Variants in CNTNAP2 observed in about 807,000 individuals in gnomAD.
CNTNAP2 encodes the protein contactin associated protein 2.
In CNTNAP2, 98 loss-of-function variants were observed where a neutral mutation model predicts 155.2. The ratio of observed to expected loss-of-function variants is 0.63; its 90% CI spans 0.54 to 0.75. The LOEUF (loss-of-function observed/expected upper bound fraction) is 0.75, where lower values mean the gene tolerates loss of function less well. CNTNAP2 is among the 30% of genes least tolerant of loss of function. The pLI is 0.00. For missense variants in CNTNAP2, 1,727 were observed against 1,688.1 expected (o/e 1.02, Z -0.40); for synonymous variants, 651 against 631.2 (o/e 1.03, Z -0.47).
intron 16 of CNTNAP2, 110 bp downstream of exon 16, chr7:148,118,398 G>C (rs984995160): frequency 1.6e-6 from 2 of 1,234,254 alleles, no homozygotes; most frequent in Non-Finnish European, 2.3e-6. Context: ...GGTTTCCTTT[G>C]TTCCAGGAGC....
intron 1 of CNTNAP2, among the ~76,000 whole-genome samples, chr7:146,616,301 TTGGAAAA>T (rs1489578184): frequency 6.6e-6 from 1 of 152,020 alleles, no homozygotes; most frequent in Non-Finnish European, 1.5e-5. Flanking sequence ...TGCTGGAAAT[TTGGAAAA>T]TGAGCAACAG....
At position 146,964,669 on chromosome 7, in the gene CNTNAP2, T is replaced by A. The variant is rs79718552; in HGVS notation, c.403-79238T>A. On this transcript the variant is annotated intron_variant, in intron 3 of 23. Coordinates refer to ENST00000361727, the MANE Select transcript of CNTNAP2 (RefSeq NM_014141.6). ...GGCAAATGTTAAATTTTTGAACAAATGTTTCCTGAATCTCCTTTTTATGTA... is the reference window on the plus strand; with the variant it reads ...GGCAAATGTTAAATTTTTGAACAAAAGTTTCCTGAATCTCCTTTTTATGTA... 4.2e-3 allele frequency among the ~76,000 whole-genome samples: 642 copies of A among 152,324 alleles called. 7 individuals are homozygous for A. The highest frequency in any genetic ancestry group is 0.015 in the African/African-American group (608 of 41,574).
chr7:147,924,685 A>G (rs888351626), intron 14 of CNTNAP2, among the ~76,000 whole-genome samples: 1 of 152,124 alleles, frequency 6.6e-6, no homozygotes, highest in Admixed American at 6.5e-5. Flanking sequence ...GTAAGCCGGG[A>G]AGATGGAACA....
chr7:148,341,269 A>G (rs1050679061), intron 21 of CNTNAP2, among the ~76,000 whole-genome samples: 1 of 130,554 alleles, frequency 7.7e-6, no homozygotes, highest in African/African-American at 3.1e-5. Context: ...GATTCAGAGG[A>G]TTTCTTTTTT....
rs891902699 is a variant in CNTNAP2 at position 146,636,071 on chromosome 7, G to C, written c.98-138200G>C. Among the ~76,000 whole-genome samples, 3 of 151,690 alleles carry C rather than the reference G, an allele frequency of 2.0e-5. No homozygotes were observed. The East Asian group carries it at 5.8e-4, about 30-fold the overall frequency. ...AACAACAGACAGGTGCATTTTTCCT[G>C]TTATTAAAATGTGGGTCATAAAGGC... On this transcript the variant is annotated intron_variant, in intron 1 of 23. Coordinates refer to ENST00000361727, the MANE Select transcript of CNTNAP2 (RefSeq NM_014141.6).
At chr7:147,453,807 C>G (rs6464803) in intron 10 of CNTNAP2, among the ~76,000 whole-genome samples, 120,561 of 152,112 alleles carry the variant, frequency 0.79, 48,365 homozygotes, top group African/African-American at 0.93. Flanking sequence ...AAAATGCCAC[C>G]AAAAGTTCTT....
intron 8 of CNTNAP2, among the ~76,000 whole-genome samples, chr7:147,295,649 G>A (rs558383022): frequency 1.3e-5 from 2 of 152,034 alleles, no homozygotes; most frequent in Non-Finnish European, 2.9e-5. Flanking sequence ...CAGCCTTCAG[G>A]ATACTATTTC....
At chr7:147,527,015 C>CTTTTTTTTTTTTTTTTTTTTTTTTT (rs888976222) in intron 11 of CNTNAP2, among the ~76,000 whole-genome samples, 2 of 65,168 alleles carry the variant, frequency 3.1e-5, no homozygotes, top group African/African-American at 1.6e-4. Flanking sequence ...ACAGGCATTT[C>CTTTTTTTTTTTTTTTTTTTTTTTTT]TTTTTTTTTT....
In CNTNAP2 at chr7:148,104,045, A is replaced by C. The variant is rs148284019; in HGVS notation, c.2384-14073A>C. Among the ~76,000 whole-genome samples the C allele has an allele frequency of 8.7e-3, 1,320 of 152,306 alleles. 12 individuals carry two copies. The highest frequency in any genetic ancestry group is 0.027 in the Middle Eastern group (8 of 294). ...AAATCATCACAAACCCTGTGAAGAAAGAATTATTTTTCTAATTTACAAATA... is the reference window on the plus strand; with the variant it reads ...AAATCATCACAAACCCTGTGAAGAACGAATTATTTTTCTAATTTACAAATA... On this transcript the variant is annotated intron_variant, in intron 15 of 23. Coordinates refer to ENST00000361727, the MANE Select transcript of CNTNAP2 (RefSeq NM_014141.6).
At chr7:147,850,448 C>T (rs916963471) in intron 13 of CNTNAP2, among the ~76,000 whole-genome samples, 5 of 152,114 alleles carry the variant, frequency 3.3e-5, no homozygotes, top group South Asian at 2.1e-4. Context: ...AAAAAGAGCC[C>T]GCATTGCCAA....
intron 13 of CNTNAP2, among the ~76,000 whole-genome samples, chr7:147,839,939 T>TACACACAC (rs376480999): frequency 1.7e-3 from 256 of 149,846 alleles, no homozygotes; most frequent in African/African-American, 3.9e-3. Context: ...TATATATGTA[T>TACACACAC]ACACACACAC....
chr7:146,621,069 C>T (rs185647644), intron 1 of CNTNAP2, among the ~76,000 whole-genome samples: 1 of 152,154 alleles, frequency 6.6e-6, no homozygotes, highest in East Asian at 1.9e-4. Context: ...CAACTTTAGC[C>T]GAATTTTCTT....
At chr7:147,945,672 C>A in intron 14 of CNTNAP2, among the ~76,000 whole-genome samples, 1 of 133,146 alleles carries the variant, frequency 7.5e-6, no homozygotes. Flanking sequence ...TCAGGAAAAG[C>A]AAGCAAACAA....
rs552955278 is a variant in CNTNAP2, at chr7:146,339,048, G to C, written c.97+222075G>C. On this transcript the variant is annotated intron_variant, in intron 1 of 23. Transcript: ENST00000361727. ...AAAAATACAAAAATTAGCTGGGCGT[G>C]GTGGCAGGTGCCTGTAATCCCAGCT... 2.0e-5 allele frequency among the ~76,000 whole-genome samples: 3 copies of C among 152,130 alleles called. No homozygotes were observed. In the South Asian group the frequency reaches 6.2e-4, roughly 32 times the overall value.
intron 3 of CNTNAP2, among the ~76,000 whole-genome samples, chr7:146,844,615 G>C (rs1298825237): frequency 6.6e-6 from 1 of 152,064 alleles, no homozygotes; most frequent in Non-Finnish European, 1.5e-5. Context: ...GGCCTGTTTT[G>C]CTTGGGAAAT....
Position 147,400,749 on chromosome 7 carries a change from C to T in CNTNAP2, c.1670+4969C>T, listed in dbSNP as rs886073093. Among the ~76,000 whole-genome samples, 4 of 152,276 alleles carry T rather than the reference C, an allele frequency of 2.6e-5. No homozygotes were observed. In the South Asian group the frequency reaches 8.3e-4, roughly 32 times the overall value. Reference sequence around the variant, plus strand: ...TGATACAGTTGCCCCTCTTGCTCTCCACCATCCTTGGTAAAATGTAGAACT... The same window carrying T: ...TGATACAGTTGCCCCTCTTGCTCTCTACCATCCTTGGTAAAATGTAGAACT... On this transcript the variant is annotated intron_variant, in intron 10 of 23. Transcript: ENST00000361727.
intron 8 of CNTNAP2, among the ~76,000 whole-genome samples, chr7:147,167,010 C>A (rs572208464): frequency 6.6e-6 from 1 of 152,182 alleles, no homozygotes; most frequent in South Asian, 2.1e-4. Context: ...AGAATTACCC[C>A]ATCACTGTAA....
chr7:148,206,469 G>T (rs571640777), intron 18 of CNTNAP2, among the ~76,000 whole-genome samples: 3 of 152,032 alleles, frequency 2.0e-5, no homozygotes, highest in African/African-American at 4.8e-5. Context: ...TTATTTCAAG[G>T]TATATTGGTC....
chr7:148,321,965 G>A (rs750547916), intron 21 of CNTNAP2, among the ~76,000 whole-genome samples: 3 of 150,692 alleles, frequency 2.0e-5, no homozygotes, highest in South Asian at 2.1e-4. Flanking sequence ...GTGCAATGGC[G>A]TGATCTCAGC....
Sources: gnomAD v4.1 joint callset for allele counts (sites outside exome capture counted in the v4.1 genomes callset) on GRCh38, gnomAD v4.1.1 for gene constraint, MANE v1.5 for transcripts, NCBI Gene and HGNC (gene_info 2026-07-23, HGNC 2026-07-21) for gene names.